Variants in CAMK4 observed in about 807,000 individuals in gnomAD.
The protein encoded by CAMK4 is calcium/calmodulin dependent protein kinase IV.
In CAMK4, 22 loss-of-function variants were observed where a neutral mutation model predicts 44.9. The ratio of observed to expected loss-of-function variants is 0.49; its 90% CI spans 0.35 to 0.70. The LOEUF is 0.70. CAMK4 is among the 30% of genes least tolerant of loss of function. The probability of loss-of-function intolerance (pLI) is 0.01; values close to 1 mark genes in which losing one functional copy is unlikely to be tolerated. For synonymous variants in CAMK4, 218 were observed against 215.4 expected, an observed-to-expected ratio of 1.01 and a Z score of -0.11; for missense variants, 498 against 586.8, an observed-to-expected ratio of 0.85 and a Z score of 1.56.
intron 5 of CAMK4, among the ~76,000 whole-genome samples, chr5:111,433,581 G>C (rs1753538431): frequency 6.6e-6 from 1 of 152,150 alleles, no homozygotes; most frequent in Non-Finnish European, 1.5e-5. Context: ...CAGAACGAAA[G>C]GAAGGAAAAT....
chr5:111,409,660 G>A (rs186348924), intron 5 of CAMK4, among the ~76,000 whole-genome samples: 2 of 152,312 alleles, frequency 1.3e-5, no homozygotes, highest in Admixed American at 1.3e-4. Flanking sequence ...TCAGCAGGCT[G>A]CAAATTTTCC....
chr5:111,260,510 C>T (rs886385173), intron 1 of CAMK4, among the ~76,000 whole-genome samples: 1 of 152,084 alleles, frequency 6.6e-6, no homozygotes, highest in Non-Finnish European at 1.5e-5. Context: ...TCTTGTCTTC[C>T]TATATTTTCA....
intron 4 of CAMK4, among the ~76,000 whole-genome samples, chr5:111,387,655 A>G (rs1051099463): frequency 3.3e-5 from 5 of 152,172 alleles, no homozygotes; most frequent in African/African-American, 1.2e-4. Flanking sequence ...GTATTGTCCA[A>G]ATGTCCTCAA....
In CAMK4 at chr5:111,348,065, C is replaced by T. The variant is rs116779697; in HGVS notation, c.240+3963C>T. On this transcript the variant is annotated intron_variant, in intron 2 of 10. Coordinates refer to ENST00000282356, the MANE Select transcript of CAMK4 (RefSeq NM_001744.6). ...GAGAGACTTTTAAAATTCTCTTTTA[C>T]AGCTAAATTTTTGATAACATGAATC... Among the ~76,000 whole-genome samples the T allele has an allele frequency of 4.5e-3, 686 of 152,076 alleles. 7 individuals carry two copies. Among genetic ancestry groups the T allele is most frequent in the African/African-American group, 0.016 (658 of 41,536 alleles).
intron 5 of CAMK4, among the ~76,000 whole-genome samples, chr5:111,413,967 A>G (rs1222362373): frequency 1.3e-5 from 2 of 151,922 alleles, no homozygotes; most frequent in East Asian, 1.9e-4. Context: ...ATATATATAG[A>G]TAACTATTAT....
At chr5:111,476,650 C>A (rs1424791042) in intron 8 of CAMK4, among the ~76,000 whole-genome samples, 1 of 152,106 alleles carries the variant, frequency 6.6e-6, no homozygotes, top group East Asian at 1.9e-4. Context: ...TCTAAGAATG[C>A]CATTAGGCTG....
rs929445450 is a variant in CAMK4, at chr5:111,468,363, T to G, written c.626-4948T>G. The stretch of plus-strand genomic sequence containing the variant: ...AAGAAAACTGTTTTATACCTTAAAG[T>G]GATTTTCTTCTATTTTGTTTGTTTT... On this transcript the variant is annotated intron_variant, in intron 7 of 10. Transcript: ENST00000282356. Among the ~76,000 whole-genome samples, 5 of 152,300 alleles carry G rather than the reference T, an allele frequency of 3.3e-5. No homozygotes were observed. In the East Asian group the frequency reaches 9.6e-4, roughly 29 times the overall value.
chr5:111,341,305 T>A (rs1380553125), intron 1 of CAMK4, among the ~76,000 whole-genome samples: 2 of 151,216 alleles, frequency 1.3e-5, no homozygotes, highest in African/African-American at 4.8e-5. Flanking sequence ...TTTCTATGTT[T>A]TTTAAGAGAA....
chr5:111,360,635 G>T lies in CAMK4; in HGVS notation c.241-14215G>T, dbSNP rs550476537. Among the ~76,000 whole-genome samples, 3 of 152,216 alleles carry T rather than the reference G, an allele frequency of 2.0e-5. No individual in the cohort carries two copies. The South Asian group carries it at 6.2e-4, about 32-fold the overall frequency. Reference sequence around the variant, plus strand: ...CTTACAAGCTTTTAAACTGTGAGCAGTTTTACTCAGAAGAAGAGACTTAAC... The same window carrying T: ...CTTACAAGCTTTTAAACTGTGAGCATTTTTACTCAGAAGAAGAGACTTAAC... On this transcript the variant is annotated intron_variant, in intron 2 of 10. Coordinates refer to ENST00000282356, the MANE Select transcript of CAMK4 (RefSeq NM_001744.6).
rs557228707 is a variant in CAMK4, at chr5:111,419,875, C to T, written c.459+25093C>T. On this transcript the variant is annotated intron_variant, in intron 5 of 10. Coordinates refer to ENST00000282356, the MANE Select transcript of CAMK4 (RefSeq NM_001744.6). The stretch of plus-strand genomic sequence containing the variant: ...TGTAGTATAGTTTGAAATCGGGTAG[C>T]GTGATGCCTACGGCTTTGTTCTTTT... 1.4e-4 allele frequency among the ~76,000 whole-genome samples: 22 copies of T among 152,244 alleles called. No homozygotes were observed. The South Asian group carries it at 4.4e-3, about 30-fold the overall frequency.
chr5:111,443,273 TATATATACAC>T (rs796189578), intron 5 of CAMK4, among the ~76,000 whole-genome samples: 3,378 of 50,274 alleles, frequency 0.067, 43 homozygotes, highest in Admixed American at 0.068. Flanking sequence ...TATATATATA[TATATATACAC>T]ACACACACAC....
chr5:111,266,393 T>A lies in CAMK4; in HGVS notation c.161+41749T>A, dbSNP rs534585837. 9.9e-5 allele frequency among the ~76,000 whole-genome samples: 15 copies of A among 152,266 alleles called. 1 individual carries two copies. The highest frequency in any genetic ancestry group is 3.4e-3 in the Middle Eastern group (1 of 294). ...ATAAGCTACACTTTGGGGAATAGAT[T>A]TTTTGCTTTTTGGTGTATTTTACTA... On this transcript the variant is annotated intron_variant, in intron 1 of 10. Coordinates refer to ENST00000282356, the MANE Select transcript of CAMK4 (RefSeq NM_001744.6).
In CAMK4 at chr5:111,269,519, T is replaced by C. The variant is rs1354409087; in HGVS notation, c.161+44875T>C. Among the ~76,000 whole-genome samples the C allele has an allele frequency of 1.1e-3, 173 of 152,182 alleles. 1 individual carries two copies. The highest frequency in any genetic ancestry group is 5.9e-4 in the Non-Finnish European group (40 of 68,008). Reference sequence around the variant, plus strand: ...CCTTGCTGTGCAGTGGCTGGTCTGTTTTTGGAAATAGTGGCTGCTGAGATA... The same window carrying C: ...CCTTGCTGTGCAGTGGCTGGTCTGTCTTTGGAAATAGTGGCTGCTGAGATA... On this transcript the variant is annotated intron_variant, in intron 1 of 10. Transcript: ENST00000282356.
At chr5:111,476,799 C>T (rs962293341) in intron 8 of CAMK4, among the ~76,000 whole-genome samples, 3 of 152,156 alleles carry the variant, frequency 2.0e-5, no homozygotes, top group Non-Finnish European at 4.4e-5. Flanking sequence ...ATCAGAGATT[C>T]AAACTCTCTC....
chr5:111,479,568 T>A (rs1755361461), intron 9 of CAMK4, among the ~76,000 whole-genome samples: 1 of 152,166 alleles, frequency 6.6e-6, no homozygotes, highest in Non-Finnish European at 1.5e-5. Flanking sequence ...ATTTTAAAGA[T>A]GAGAATGCTA....
At chr5:111,326,630 A>G (rs1465451655) in intron 1 of CAMK4, among the ~76,000 whole-genome samples, 1 of 151,606 alleles carries the variant, frequency 6.6e-6, no homozygotes, top group African/African-American at 2.4e-5. Flanking sequence ...GTAACAGGCA[A>G]ACTAGAAAAT....
At chr5:111,262,883 G>A (rs1750050704) in intron 1 of CAMK4, among the ~76,000 whole-genome samples, 1 of 152,194 alleles carries the variant, frequency 6.6e-6, no homozygotes, top group Non-Finnish European at 1.5e-5. Context: ...TTTATTAAAG[G>A]TGAATGTATT....
intron 7 of CAMK4, among the ~76,000 whole-genome samples, chr5:111,450,341 A>G (rs1215782543): frequency 1.3e-5 from 2 of 151,832 alleles, no homozygotes; most frequent in African/African-American, 4.8e-5. Flanking sequence ...AAAAACAAAA[A>G]CAAAGAGAAT....
chr5:111,379,284 C>T (rs1751328723), intron 4 of CAMK4, among the ~76,000 whole-genome samples: 1 of 152,106 alleles, frequency 6.6e-6, no homozygotes, highest in African/African-American at 2.4e-5. Flanking sequence ...TTCTTCCCAA[C>T]CTTTCTTCCA....
Sources: allele counts gnomAD v4.1 joint callset (sites outside exome capture counted in the v4.1 genomes callset), GRCh38; gene constraint gnomAD v4.1.1; transcripts MANE v1.5; gene names NCBI Gene and HGNC (gene_info 2026-07-23, HGNC 2026-07-21).